Variants in AFAP1L1 observed in about 807,000 individuals in gnomAD.
AFAP1L1 encodes the protein actin filament associated protein 1 like 1.
A neutral mutation model predicts 99.8 loss-of-function variants in AFAP1L1; 77 were observed. The ratio of observed to expected loss-of-function variants is 0.77; its 90% confidence interval spans 0.64 to 0.93. AFAP1L1 has a LOEUF of 0.93. Ranked by LOEUF, AFAP1L1 falls within the 40% of genes least tolerant of loss-of-function variation. The pLI is 0.00. For missense variants in AFAP1L1, 893 were observed against 996.8 expected (o/e 0.90, Z 1.40); for synonymous variants, 373 against 395.3 (o/e 0.94, Z 0.67).
Position 149,301,168 on chromosome 5 carries a change from G to A in AFAP1L1, c.265G>A (p.Asp89Asn). ...DLSDLRDMPEDDGEPSKGASP... is the reference protein window; with the variant it reads ...DLSDLRDMPENDGEPSKGASP... ...GAGTGACCTTCGGGACATGCCAGAG[G>A]ATGATGGGGAGCCCAGCAAAGGAGC... is the stretch of plus-strand genomic sequence containing the variant. The change falls in exon 4 of 19, where the codon GAT becomes AAT. Residue 89 changes from aspartate to asparagine, a missense_variant. By Grantham distance (23) the Asp-to-Asn change is conservative. Transcript: ENST00000296721. 6.2e-7 allele frequency: 1 copy of A among 1,614,046 alleles called. No individual in the cohort carries two copies. Among genetic ancestry groups the A allele is most frequent in the Non-Finnish European group, 8.5e-7 (1 of 1,179,968 alleles).
At chr5:149,296,664 GC>G (rs1373745973) in intron 1 of AFAP1L1, among the ~76,000 whole-genome samples, 1 of 152,216 alleles carries the variant, frequency 6.6e-6, no homozygotes, top group African/African-American at 2.4e-5. Flanking sequence ...CTGCCCAGGG[GC>G]CAGGCTGACA....
chr5:149,279,247 T>G (rs981224689), intron 1 of AFAP1L1, among the ~76,000 whole-genome samples: 6 of 152,204 alleles, frequency 3.9e-5, no homozygotes, highest in African/African-American at 1.2e-4. Flanking sequence ...GAGGCCAGTT[T>G]GGGCTCAATC....
chr5:149,334,053 G>T (rs985336052), intron 17 of AFAP1L1, among the ~76,000 whole-genome samples: 3 of 152,182 alleles, frequency 2.0e-5, no homozygotes, highest in Admixed American at 1.3e-4. Flanking sequence ...AGGAGTATAA[G>T]AAATATTTGT....
At chr5:149,307,695 C>CTGCCTTGGGCA (rs1756465445) in intron 7 of AFAP1L1, 82 bp downstream of exon 7, 1 of 1,407,074 alleles carries the variant, frequency 7.1e-7, no homozygotes, top group South Asian at 1.3e-5. Flanking sequence ...GTGGATATGT[C>CTGCCTTGGGCA]TGCCTTGGGC....
intron 3 of AFAP1L1, 37 bp from the exon 4 acceptor site, chr5:149,301,096 C>T (rs979819220): frequency 1.2e-6 from 2 of 1,600,706 alleles, no homozygotes; most frequent in African/African-American, 2.7e-5. Context: ...GCTGCTCATC[C>T]TTGGCTTTCT....
chr5:149,275,213 G>A (rs1755273965), intron 1 of AFAP1L1, among the ~76,000 whole-genome samples: 1 of 152,230 alleles, frequency 6.6e-6, no homozygotes, highest in Non-Finnish European at 1.5e-5. Flanking sequence ...GGGGAAAGCA[G>A]GCTCAGCCAG....
At chr5:149,273,975 G>A (rs756041480) in intron 1 of AFAP1L1, among the ~76,000 whole-genome samples, 52 of 152,224 alleles carry the variant, frequency 3.4e-4, no homozygotes, top group Non-Finnish European at 2.8e-4. Context: ...CAACCTCCAC[G>A]TCAGAAGGCT....
intron 7 of AFAP1L1, among the ~76,000 whole-genome samples, chr5:149,308,110 C>G (rs1376704154): frequency 6.6e-6 from 1 of 152,096 alleles, no homozygotes; most frequent in Non-Finnish European, 1.5e-5. Flanking sequence ...GATCATACCA[C>G]TACACTCCAA....
At chr5:149,331,575 A>C (rs927487163) in intron 16 of AFAP1L1, among the ~76,000 whole-genome samples, 12 of 151,864 alleles carry the variant, frequency 7.9e-5, no homozygotes, top group Admixed American at 7.2e-4. Context: ...AGCCAAGATC[A>C]CGCCACTGCA....
At position 149,310,661 on chromosome 5, in the gene AFAP1L1, T is replaced by G. The variant is rs973820428; in HGVS notation, c.927+526T>G. The stretch of plus-strand genomic sequence containing the variant: ...ACGTGACCTCATTTCTGCTTGAAAA[T>G]GGGACAAAATATTATTGTTCCCATT... On this transcript the variant is annotated intron_variant, in intron 8 of 18. Coordinates refer to ENST00000296721, the MANE Select transcript of AFAP1L1 (RefSeq NM_152406.4). Among the ~76,000 whole-genome samples the G allele has an allele frequency of 2.0e-5, 3 of 152,206 alleles. No individual in the cohort carries two copies. The South Asian group carries it at 6.2e-4, about 31-fold the overall frequency.
At chr5:149,272,418 G>A (rs1001380717) in intron 1 of AFAP1L1, among the ~76,000 whole-genome samples, 4 of 152,090 alleles carry the variant, frequency 2.6e-5, no homozygotes, top group African/African-American at 9.7e-5. Context: ...CTAGGGCATT[G>A]CGAGAAGGAG....
chr5:149,293,180 G>A (rs1755911742), intron 1 of AFAP1L1, among the ~76,000 whole-genome samples: 1 of 152,332 alleles, frequency 6.6e-6, no homozygotes, highest in Admixed American at 6.5e-5. Flanking sequence ...TCGAGTGCCT[G>A]AGCACCATAC....
At chr5:149,288,296 G>C (rs576328297) in intron 1 of AFAP1L1, among the ~76,000 whole-genome samples, 1 of 152,212 alleles carries the variant, frequency 6.6e-6, no homozygotes. Context: ...CCTGCCAACT[G>C]TGTGCCTTTA....
chr5:149,317,580 T>G, intron 11 of AFAP1L1, 149 bp from the exon 12 acceptor site: 1 of 723,182 alleles, frequency 1.4e-6, no homozygotes, highest in South Asian at 1.9e-5. Context: ...CTCAGAGAAA[T>G]GCACACCCAA....
At chr5:149,272,461 T>A (rs1755154163) in intron 1 of AFAP1L1, among the ~76,000 whole-genome samples, 1 of 151,794 alleles carries the variant, frequency 6.6e-6, no homozygotes, top group Non-Finnish European at 1.5e-5. Flanking sequence ...TGTGCATGCA[T>A]GTGTGCGCCA....
At chr5:149,305,069 T>G (rs990707986) in intron 5 of AFAP1L1, among the ~76,000 whole-genome samples, 1 of 152,228 alleles carries the variant, frequency 6.6e-6, no homozygotes, top group African/African-American at 2.4e-5. Flanking sequence ...ATGGGGCTGA[T>G]ATCTACCTCC....
At chr5:149,302,591 C>A in intron 5 of AFAP1L1, 65 bp downstream of exon 5, 1 of 1,372,936 alleles carries the variant, frequency 7.3e-7, no homozygotes, top group South Asian at 1.3e-5. Context: ...ATTTAAGTTC[C>A]TCTGTGTCCT....
rs761263807 is a variant in AFAP1L1, at chr5:149,310,144, C to T, written c.927+9C>T. 7 of 1,580,754 alleles carry T rather than the reference C, an allele frequency of 4.4e-6. No individual in the cohort carries two copies. In the East Asian group the frequency reaches 6.7e-5, roughly 15 times the overall value. Reference sequence around the variant, plus strand: ...CCGAGGAGTGGCTGAAGGTGCGTGGCCTGCACCTGACCTTCCCGCCTTCTC... The same window carrying T: ...CCGAGGAGTGGCTGAAGGTGCGTGGTCTGCACCTGACCTTCCCGCCTTCTC... On this transcript the variant is annotated intron_variant, in intron 8 of 18. Transcript: ENST00000296721.
intron 1 of AFAP1L1, among the ~76,000 whole-genome samples, chr5:149,290,143 G>A (rs1271276421): frequency 6.6e-6 from 1 of 152,252 alleles, no homozygotes; most frequent in Non-Finnish European, 1.5e-5. Context: ...TGAGGCAGGA[G>A]AATTGCTTGA....
Sources: gnomAD v4.1 joint callset for allele counts (sites outside exome capture counted in the v4.1 genomes callset) on GRCh38, gnomAD v4.1.1 for gene constraint, MANE v1.5 for transcripts, NCBI Gene and HGNC (gene_info 2026-07-23, HGNC 2026-07-21) for gene names.